The following FLNB variants were observed in gnomAD, a reference collection of about 807,000 sequenced individuals.
FLNB encodes the protein filamin B.
A neutral mutation model predicts 250.6 loss-of-function variants in FLNB; 111 were observed. The observed-to-expected ratio is 0.44, with a 90% CI of 0.38 to 0.52. The LOEUF is 0.52. Among genes scored for constraint, FLNB ranks in the 20% least tolerant of loss-of-function variants. The pLI is 0.00. For synonymous variants in FLNB, 1,302 were observed against 1,372.1 expected (o/e 0.95, Z 1.13); for missense variants, 2,869 against 3,447.8 (o/e 0.83, Z 4.20).
rs763583078 is a variant in FLNB at position 58,098,734 on chromosome 3, G to C, written c.1171G>C (p.Val391Leu). Residue 391 changes from valine (V) to leucine (L), a missense_variant, in exon 8 of 46, where the codon GTG becomes CTG. By Grantham distance (32) the Val-to-Leu change is conservative. Coordinates refer to ENST00000295956, the MANE Select transcript of FLNB (RefSeq NM_001457.4). ...TAGAGVGDIG[V>L]EVEDPQGKNT... ...AGGAGCTGGTGTGGGTGACATTGGT[G>C]TGGAGGTGGAAGATCCCCAGGGGAA... 1.3e-5 allele frequency: 21 copies of C among 1,614,056 alleles called. No homozygotes were observed. The South Asian group carries it at 2.2e-4, about 17-fold the overall frequency.
chr3:58,088,119 G>A (rs1290575180), intron 4 of FLNB, among the ~76,000 whole-genome samples: 1 of 131,406 alleles, frequency 7.6e-6, no homozygotes, highest in Non-Finnish European at 1.6e-5. Flanking sequence ...TTGGCTCGCT[G>A]CAACCCCCGC....
Position 58,169,727 on chromosome 3 carries a change from G to A in FLNB, c.7555G>A (p.Gly2519Arg). ...SSDASKVTSK[G>R]AGLSKAFVGQ... ...GGACGCCAGCAAGGTGACCTCTAAGGGGGCAGGGCTCTCAAAGGCCTTTGT... is the reference window on the plus strand; with the variant it reads ...GGACGCCAGCAAGGTGACCTCTAAGAGGGCAGGGCTCTCAAAGGCCTTTGT... Residue 2519 changes from glycine to arginine, a missense_variant, in exon 45 of 46, where the codon GGG becomes AGG. Physicochemically the swap from Gly to Arg is moderately radical, Grantham distance 125. This residue lies in a region of FLNB where 1,084 missense variants were observed against 1,315.5 expected (regional missense o/e 0.82). Transcript: ENST00000295956. The surrounding 1 kb of genome is among the most constrained non-coding windows in gnomAD (Gnocchi z 4.8). 6.2e-7 allele frequency: 1 copy of A among 1,614,114 alleles called. No individual in the cohort carries two copies. Among genetic ancestry groups the A allele is most frequent in the Non-Finnish European group, 8.5e-7 (1 of 1,180,012 alleles).
chr3:58,150,361 C>T (rs2097342895), intron 38 of FLNB, 134 bp downstream of exon 38: 2 of 954,712 alleles, frequency 2.1e-6, no homozygotes, highest in Non-Finnish European at 3.4e-6. Flanking sequence ...TTTCATTTCA[C>T]TTCATTTCAT....
intron 18 of FLNB, among the ~76,000 whole-genome samples, chr3:58,114,296 T>G (rs1269434417): frequency 6.6e-6 from 1 of 152,122 alleles, no homozygotes; most frequent in Non-Finnish European, 1.5e-5. Context: ...AGTATAGATG[T>G]TTCACCATGT....
chr3:58,014,226 T>G (rs1385989620), intron 1 of FLNB, among the ~76,000 whole-genome samples: 1 of 152,176 alleles, frequency 6.6e-6, no homozygotes, highest in African/African-American at 2.4e-5. Context: ...GGAGAACAGC[T>G]TGGTTGGCTA....
At chr3:58,123,797 C>T (rs2097293056) in intron 21 of FLNB, 107 bp downstream of exon 21, 2 of 941,962 alleles carry the variant, frequency 2.1e-6, no homozygotes, top group Non-Finnish European at 3.2e-6. Context: ...AGCCAGGTGA[C>T]ATATAAGGCG....
At chr3:58,037,128 C>T (rs1411675067) in intron 1 of FLNB, among the ~76,000 whole-genome samples, 3 of 148,886 alleles carry the variant, frequency 2.0e-5, no homozygotes, top group African/African-American at 2.5e-5. Flanking sequence ...GCAGTGGCAC[C>T]ATCTCAGCTC....
At chr3:58,153,295 T>C in intron 38 of FLNB, 80 bp from the exon 39 acceptor site, 1 of 1,545,920 alleles carries the variant, frequency 6.5e-7, no homozygotes, top group Non-Finnish European at 8.9e-7. Context: ...TGCTCTCGGC[T>C]GCTTGCCCTG....
chr3:58,030,159 G>C (rs1478085317), intron 1 of FLNB, among the ~76,000 whole-genome samples: 1 of 152,174 alleles, frequency 6.6e-6, no homozygotes, highest in Admixed American at 6.6e-5. Context: ...GAGATACAGA[G>C]TTTGAGACAA....
intron 45 of FLNB, 106 bp from the exon 46 acceptor site, chr3:58,170,469 C>A (rs374438213): frequency 6.2e-6 from 7 of 1,120,528 alleles, no homozygotes; most frequent in African/African-American, 1.5e-5. Flanking sequence ...CTCTTAGGGG[C>A]CCCAGCATTA....
chr3:58,047,099 A>G (rs972986446), intron 1 of FLNB, among the ~76,000 whole-genome samples: 1 of 152,204 alleles, frequency 6.6e-6, no homozygotes, highest in Non-Finnish European at 1.5e-5. Context: ...AGATTAAAAG[A>G]CAAACTTTCT....
chr3:58,162,482 G>A (rs1253822895), intron 42 of FLNB: 1 of 152,946 alleles, frequency 6.5e-6, no homozygotes, highest in Non-Finnish European at 1.5e-5. Context: ...ATTAATGCCA[G>A]TTGGAACCGT....
intron 42 of FLNB, among the ~76,000 whole-genome samples, chr3:58,160,977 T>C: frequency 1.3e-5 from 2 of 152,180 alleles, no homozygotes; most frequent in Non-Finnish European, 2.9e-5. Flanking sequence ...AGCAAGACCC[T>C]GTCTCAAAAA....
chr3:58,012,124 T>C (rs1194463139), intron 1 of FLNB, among the ~76,000 whole-genome samples: 1 of 150,404 alleles, frequency 6.6e-6, no homozygotes, highest in African/African-American at 2.5e-5. Flanking sequence ...GGCAGGAGAA[T>C]TGCTTGAACC....
chr3:58,137,471 G>A (rs1010591697), intron 28 of FLNB, among the ~76,000 whole-genome samples: 2 of 152,152 alleles, frequency 1.3e-5, no homozygotes, highest in Non-Finnish European at 2.9e-5. Flanking sequence ...CACACCTCTG[G>A]GTCTGTCATT....
At chr3:58,168,873 T>C in intron 44 of FLNB, 2 of 587,130 alleles carry the variant, frequency 3.4e-6, no homozygotes. Context: ...CATGTTAGGA[T>C]GTTAGGTGGT....
rs9863375 is a variant in FLNB at position 58,143,202 on chromosome 3, G to C, written c.5285-271G>C. Among the ~76,000 whole-genome samples, 47,504 of 151,620 alleles carry C rather than the reference G, an allele frequency of 0.31. 7,969 individuals are homozygous for C. The highest frequency in any genetic ancestry group is 0.38 in the Non-Finnish European group (25,763 of 67,888). ...CTATGTATCCAGCTGGTTTCATGGT[G>C]TTCTCAAGTCCTTTCTGAGCTTGAT... On this transcript the variant is annotated intron_variant, in intron 31 of 45. Coordinates refer to ENST00000295956, the MANE Select transcript of FLNB (RefSeq NM_001457.4).
Position 58,146,727 on chromosome 3 carries a change from A to G in FLNB, c.5555-93A>G, listed in dbSNP as rs1355658105. The G allele has an allele frequency of 1.5e-5, 21 of 1,357,890 alleles. No individual in the cohort carries two copies. In the Admixed American group the frequency reaches 3.7e-4, roughly 24 times the overall value. 84.1% of individuals were successfully genotyped at this position (1,357,890 alleles called of 1,614,324 possible). ...AGTGCGTCAATCCATTGTCCCCAGC[A>G]TCAGGGCTGCCCTGGATGAGTTGTT... On this transcript the variant is annotated intron_variant, in intron 33 of 45. Transcript: ENST00000295956.
intron 1 of FLNB, among the ~76,000 whole-genome samples, chr3:58,070,207 CCTGCT>C (rs1281119086): frequency 2.6e-5 from 4 of 151,880 alleles, no homozygotes; most frequent in Non-Finnish European, 5.9e-5. Context: ...GCCATTATGC[CCTGCT>C]AATTTTATTT....
Sources: gnomAD v4.1 joint callset for allele counts (sites outside exome capture counted in the v4.1 genomes callset) on GRCh38, gnomAD v4.1.1 for gene constraint, gnomAD v4.1.1 regional missense constraint, Gnocchi (gnomAD v3.1) non-coding constraint, MANE v1.5 for transcripts, NCBI Gene and HGNC (gene_info 2026-07-23, HGNC 2026-07-21) for gene names.